ZNF334: variants seen among roughly 807,000 people sequenced by gnomAD.
ZNF334 encodes the protein zinc finger protein 334.
In ZNF334, 14 loss-of-function variants were observed where a neutral mutation model predicts 12.4. The observed-to-expected ratio is 1.13, with a 90% CI of 0.74 to 1.76. ZNF334 has a LOEUF of 1.76. Among genes scored for constraint, ZNF334 ranks in the 40% most tolerant of loss-of-function variants. ZNF334 has a pLI of 0.00. For synonymous variants in ZNF334, 273 were observed against 269.6 expected (o/e 1.01, Z -0.12); for missense variants, 797 against 804.5 (o/e 0.99, Z 0.11).
chr20:46,482,003 C>T, the ZNF334 span, among the ~76,000 whole-genome samples: 2 of 152,100 alleles, frequency 1.3e-5, no homozygotes, highest in African/African-American at 4.8e-5. Context: ...AATGTAATCA[C>T]TGGGTCTCTG....
the ZNF334 span, among the ~76,000 whole-genome samples, chr20:46,480,536 T>C: frequency 6.6e-6 from 1 of 152,048 alleles, no homozygotes; most frequent in South Asian, 2.1e-4. Flanking sequence ...GGGTGTGTGT[T>C]ATATGACATC....
At chr20:46,479,100 G>T in the ZNF334 span, among the ~76,000 whole-genome samples, 1 of 152,194 alleles carries the variant, frequency 6.6e-6, no homozygotes, top group African/African-American at 2.4e-5. Flanking sequence ...AGGTCTGGAG[G>T]TTAGAAGTCC....
Position 46,500,567 on chromosome 20 carries a change from CTT to C in ZNF334, c.*727_*728del, listed in dbSNP as rs1166525505. 1.3e-5 allele frequency: 2 copies of C among 152,204 alleles called. No individual in the cohort carries two copies. The highest frequency in any genetic ancestry group is 2.4e-5 in the African/African-American group (1 of 41,440). The allele number at this position is 152,204 out of a possible 1,614,324, so 9.4% of individuals were successfully genotyped here. A position where few individuals can be genotyped will look rare whatever the true frequency, so the allele number is the denominator to read the frequency against. On this transcript the variant is annotated 3_prime_UTR_variant, in exon 5 of 5. Transcript: ENST00000692313. The stretch of plus-strand genomic sequence containing the variant: ...TGGATTCAACCATCATCCAAATTCT[CTT>C]TGTTGTTCAAGAATGCTTATTTTCC...
chr20:46,500,068 A>G lies in ZNF334; in HGVS notation c.*1228T>C, dbSNP rs2061102553. On this transcript the variant is annotated 3_prime_UTR_variant, in exon 5 of 5. Coordinates refer to ENST00000692313, the MANE Select transcript of ZNF334 (RefSeq NM_001353824.2). ...TTAGCTGAATGACAGAATTAGACCA[A>G]TTTACCAATCACAGGCAATATCTGT... is the stretch of plus-strand genomic sequence containing the variant. 6.6e-6 allele frequency: 1 copy of G among 152,174 alleles called. No individual in the cohort carries two copies. Among genetic ancestry groups the G allele is most frequent in the Non-Finnish European group, 1.5e-5 (1 of 68,040 alleles). 9.4% of individuals were successfully genotyped at this position (152,174 alleles called of 1,614,324 possible).
chr20:46,469,738 T>A, the ZNF334 span, among the ~76,000 whole-genome samples: 1 of 152,082 alleles, frequency 6.6e-6, no homozygotes, highest in Non-Finnish European at 1.5e-5. Context: ...ACTGTTTTCT[T>A]GTAGATTCTT....
rs117852116 is a variant in ZNF334, at chr20:46,512,042, T to A, written c.21+40A>T. The A allele has an allele frequency of 5.5e-3, 8,760 of 1,606,084 alleles. 116 individuals carry two copies. Among genetic ancestry groups the A allele is most frequent in the East Asian group, 0.046 (2,079 of 44,808 alleles). ...CAAACTACTCTAAACCTCTTGAAAT[T>A]CACTGTATAATGTGAGAAGTAAATC... On this transcript the variant is annotated intron_variant, in intron 2 of 4. Coordinates refer to ENST00000692313, the MANE Select transcript of ZNF334 (RefSeq NM_001353824.2).
At chr20:46,481,191 T>C in the ZNF334 span, 1 of 152,218 alleles carries the variant, frequency 6.6e-6, no homozygotes, top group African/African-American at 2.4e-5. Flanking sequence ...TGCTTACTTC[T>C]GATTTCCTTC....
chr20:46,478,498 AG>A, the ZNF334 span, among the ~76,000 whole-genome samples: 1 of 152,230 alleles, frequency 6.6e-6, no homozygotes, highest in Non-Finnish European at 1.5e-5. Context: ...CAAAGTCTCC[AG>A]GTAGCTGGCT....
the ZNF334 span, chr20:46,465,085 T>G: frequency 3.6e-6 from 1 of 275,904 alleles, no homozygotes; most frequent in Non-Finnish European, 7.2e-6. Flanking sequence ...TGTCCTTCCT[T>G]ACAAATCCCA....
chr20:46,490,334 A>G, the ZNF334 span, among the ~76,000 whole-genome samples: 1 of 152,238 alleles, frequency 6.6e-6, no homozygotes, highest in African/African-American at 2.4e-5. Flanking sequence ...GTCGCACAGT[A>G]AAACATTCAA....
chr20:46,507,957 T>C (rs2061496288), intron 2 of ZNF334, among the ~76,000 whole-genome samples: 1 of 151,994 alleles, frequency 6.6e-6, no homozygotes, highest in African/African-American at 2.4e-5. Flanking sequence ...CTGGCAAAAA[T>C]ATTAGAAACA....
chr20:46,487,811 T>C, the ZNF334 span, among the ~76,000 whole-genome samples: 1 of 152,240 alleles, frequency 6.6e-6, no homozygotes, highest in South Asian at 2.1e-4. Context: ...TTCTTGTAGT[T>C]AGCAAATAAT....
downstream of ZNF334, among the ~76,000 whole-genome samples, chr20:46,499,406 C>T (rs1024061181): frequency 4.0e-5 from 6 of 151,536 alleles, no homozygotes; most frequent in African/African-American, 1.5e-4. Context: ...GATGAATACA[C>T]CCTCTATATC....
chr20:46,488,419 TTATATATATA>T, the ZNF334 span, among the ~76,000 whole-genome samples: 1 of 102,242 alleles, frequency 9.8e-6, no homozygotes, highest in African/African-American at 4.3e-5. Context: ...AGCTCTTATT[TTATATATATA>T]TATATATATA....
At chr20:46,508,447 C>T (rs940569034) in intron 2 of ZNF334, among the ~76,000 whole-genome samples, 1 of 152,176 alleles carries the variant, frequency 6.6e-6, no homozygotes, top group Non-Finnish European at 1.5e-5. Flanking sequence ...GGTCCTGTGA[C>T]GAGATGGCTC....
chr20:46,476,915 C>T, the ZNF334 span: 1 of 152,146 alleles, frequency 6.6e-6, no homozygotes, highest in Non-Finnish European at 1.5e-5. Context: ...ACCATGTGAT[C>T]TTAGAAAAAT....
chr20:46,478,961 G>A, the ZNF334 span, among the ~76,000 whole-genome samples: 1 of 152,162 alleles, frequency 6.6e-6, no homozygotes, highest in Non-Finnish European at 1.5e-5. Flanking sequence ...TGGTCCAGAT[G>A]TCCTCACCCT....
chr20:46,477,529 G>A, the ZNF334 span, among the ~76,000 whole-genome samples: 1 of 152,172 alleles, frequency 6.6e-6, no homozygotes, highest in Non-Finnish European at 1.5e-5. Context: ...TAGAGACAAG[G>A]TCTTGCTATG....
chr20:46,488,417 T>TATATATATATATATATATATATATATA, the ZNF334 span, among the ~76,000 whole-genome samples: 11 of 98,012 alleles, frequency 1.1e-4, no homozygotes, highest in African/African-American at 5.8e-4. Context: ...GTAGCTCTTA[T>TATATATATATATATATATATATATATA]TTTATATATA....
Sources: gnomAD v4.1 joint callset for allele counts (sites outside exome capture counted in the v4.1 genomes callset) on GRCh38, gnomAD v4.1.1 for gene constraint, MANE v1.5 for transcripts, NCBI Gene and HGNC (gene_info 2026-07-23, HGNC 2026-07-21) for gene names.